Variants in UTRN observed in about 807,000 individuals in gnomAD.
The protein encoded by UTRN is utrophin.
UTRN carries 283 observed loss-of-function variants against 463.9 expected under a neutral mutation model. That is an observed-to-expected ratio of 0.61 (90% CI 0.55 to 0.67). The LOEUF is 0.67. Among genes scored for constraint, UTRN ranks in the 30% least tolerant of loss-of-function variants. The pLI, the probability that UTRN is intolerant of heterozygous loss-of-function variation, is 0.00. For missense variants in UTRN, 3,922 were observed against 4,084.3 expected (o/e 0.96, Z 1.08); for synonymous variants, 1,442 against 1,431.5 (o/e 1.01, Z -0.17).
In UTRN at chr6:144,479,811, G is replaced by C; in HGVS notation, c.3337-1G>C. ...TTGGGGGAATGGCTTTTCCTTTGTAGATCGCTACTCAAAAAAGTAGGTTGT... is the reference window on the plus strand; with the variant it reads ...TTGGGGGAATGGCTTTTCCTTTGTACATCGCTACTCAAAAAAGTAGGTTGT... On this transcript the variant is annotated splice_acceptor_variant, in intron 25 of 74. Transcript: ENST00000367545. LOFTEE classifies it high-confidence loss of function. 1 of 1,611,824 alleles carries C rather than the reference G, an allele frequency of 6.2e-7. No homozygotes were observed. The highest frequency in any genetic ancestry group is 2.2e-5 in the East Asian group (1 of 44,824).
At position 144,421,874 on chromosome 6, in the gene UTRN, A is replaced by C. The variant is rs750928206; in HGVS notation, c.142-4A>C. On this transcript the variant is annotated splice_region_variant and splice_polypyrimidine_tract_variant and intron_variant, in intron 3 of 74. Transcript: ENST00000367545. The stretch of plus-strand genomic sequence containing the variant: ...CATATTTTATTTGTGTTTTTCTTTT[A>C]CAGAGTGGGAAACCACCCATCAATG... 2 of 1,608,530 alleles carry C rather than the reference A, an allele frequency of 1.2e-6. No individual in the cohort carries two copies. Among genetic ancestry groups the C allele is most frequent in the African/African-American group, 2.7e-5 (2 of 74,632 alleles).
chr6:144,291,289 T>C (rs952811016), intron 1 of UTRN, among the ~76,000 whole-genome samples: 29 of 152,234 alleles, frequency 1.9e-4, no homozygotes, highest in African/African-American at 7.0e-4. Flanking sequence ...GCTCCATTCT[T>C]TGACTGCTCC....
At position 144,473,717 on chromosome 6, in the gene UTRN, T is replaced by C. The variant is rs2128569240; in HGVS notation, c.3067-3T>C. The C allele has an allele frequency of 6.2e-7, 1 of 1,613,464 alleles. No individual in the cohort carries two copies. Among genetic ancestry groups the C allele is most frequent in the East Asian group, 2.2e-5 (1 of 44,862 alleles). ...ATCCCCCTCTGTTATCATGTTCGAT[T>C]AGGCCGATTCAACAGTCATTGAGAA... On this transcript the variant is annotated splice_polypyrimidine_tract_variant and splice_region_variant and intron_variant, in intron 23 of 74. Coordinates refer to ENST00000367545, the MANE Select transcript of UTRN (RefSeq NM_007124.3).
intron 52 of UTRN, among the ~76,000 whole-genome samples, chr6:144,695,545 G>A (rs551663385): frequency 6.6e-5 from 10 of 152,116 alleles, no homozygotes; most frequent in Admixed American, 3.3e-4. Flanking sequence ...GGGTTTCACC[G>A]TGTTGGCCAG....
intron 35 of UTRN, among the ~76,000 whole-genome samples, chr6:144,512,492 GTTTAT>G (rs1040491084): frequency 2.4e-4 from 36 of 150,098 alleles, no homozygotes; most frequent in African/African-American, 7.6e-4. Flanking sequence ...TTTTAAAAAT[GTTTAT>G]TTTAAGTTCA....
chr6:144,541,150 T>C (rs1585187369), intron 45 of UTRN, among the ~76,000 whole-genome samples: 1 of 152,216 alleles, frequency 6.6e-6, no homozygotes, highest in South Asian at 2.1e-4. Flanking sequence ...GTGACTTATC[T>C]GAGCAAAGTC....
At chr6:144,373,708 G>A (rs988838203) in intron 2 of UTRN, among the ~76,000 whole-genome samples, 1 of 152,192 alleles carries the variant, frequency 6.6e-6, no homozygotes, top group Non-Finnish European at 1.5e-5. Flanking sequence ...TAGGATAATA[G>A]CTGGGAGGTG....
At chr6:144,346,932 T>TA (rs1777636095) in intron 2 of UTRN, among the ~76,000 whole-genome samples, 12 of 151,698 alleles carry the variant, frequency 7.9e-5, no homozygotes, top group Admixed American at 5.9e-4. Context: ...GATCTCTATC[T>TA]TTATCCAGCT....
In UTRN at chr6:144,400,773, C is replaced by T. The variant is rs549562232; in HGVS notation, c.80-2350C>T. Among the ~76,000 whole-genome samples the T allele has an allele frequency of 6.7e-4, 102 of 152,228 alleles. 1 individual carries two copies. The highest frequency in any genetic ancestry group is 2.3e-3 in the African/African-American group (94 of 41,560). Reference sequence around the variant, plus strand: ...AACATTTGGATGTTAGAAAATGTATCGTTTACAGGCAAATAATTTGTCTGT... The same window carrying T: ...AACATTTGGATGTTAGAAAATGTATTGTTTACAGGCAAATAATTTGTCTGT... On this transcript the variant is annotated intron_variant, in intron 2 of 74. Coordinates refer to ENST00000367545, the MANE Select transcript of UTRN (RefSeq NM_007124.3).
In UTRN at chr6:144,437,822, G is replaced by C. The variant is rs145342359; in HGVS notation, c.1241+76G>C. ...GTTGAGCTCTAGTAGATGTCTGCAT[G>C]TCTGTGAAAGCGAGATGATTACAGA... On this transcript the variant is annotated intron_variant, in intron 11 of 74. Transcript: ENST00000367545. The C allele has an allele frequency of 2.4e-4, 339 of 1,419,296 alleles. No individual in the cohort carries two copies. The East Asian group carries it at 8.0e-3, about 34-fold the overall frequency. The allele number at this position is 1,419,296 out of a possible 1,614,324, so 87.9% of individuals were successfully genotyped here. A position where few individuals can be genotyped will look rare whatever the true frequency, so the allele number is the denominator to read the frequency against.
intron 35 of UTRN, among the ~76,000 whole-genome samples, chr6:144,511,979 A>G (rs1157737816): frequency 6.6e-6 from 1 of 152,138 alleles, no homozygotes; most frequent in Non-Finnish European, 1.5e-5. Context: ...ATACATTATC[A>G]TGTGTTTGAA....
intron 62 of UTRN, among the ~76,000 whole-genome samples, chr6:144,792,592 T>C (rs377716437): frequency 8.5e-4 from 130 of 152,268 alleles, no homozygotes; most frequent in African/African-American, 2.9e-3. Flanking sequence ...TGATCTGATA[T>C]CAGGTACTGT....
chr6:144,413,688 C>T (rs1784114483), intron 3 of UTRN, among the ~76,000 whole-genome samples: 1 of 152,138 alleles, frequency 6.6e-6, no homozygotes, highest in African/African-American at 2.4e-5. Flanking sequence ...ACCTACTGTG[C>T]TTTCAGTTGT....
intron 51 of UTRN, among the ~76,000 whole-genome samples, chr6:144,616,006 T>G (rs1028524593): frequency 1.3e-5 from 2 of 152,136 alleles, no homozygotes; most frequent in African/African-American, 4.8e-5. Flanking sequence ...TCTTTTCTCT[T>G]CCTTGTACAT....
Position 144,482,232 on chromosome 6 carries a change from G to T in UTRN, c.3531G>T (p.Gln1177His). ...EMKRAKEDVL[Q>H]KEVRVKILKD... Reference sequence around the variant, plus strand: ...AGAGGGCAAAAGAGGATGTGTTGCAGAAGGAGGTGAGAGTGAAGATTCTCA... The same window carrying T: ...AGAGGGCAAAAGAGGATGTGTTGCATAAGGAGGTGAGAGTGAAGATTCTCA... The change falls in exon 27 of 75, where the codon CAG becomes CAT. Residue 1177 changes from glutamine (Q) to histidine (H), a missense_variant. Physicochemically the swap from Gln to His is conservative, Grantham distance 24. This residue lies in a region of UTRN where 2,349 missense variants were observed against 2,303.8 expected (regional missense o/e 1.02). Transcript: ENST00000367545. The T allele has an allele frequency of 2.0e-6, 3 of 1,512,418 alleles. No homozygotes were observed. The highest frequency in any genetic ancestry group is 2.7e-6 in the Non-Finnish European group (3 of 1,126,492). 93.7% of individuals were successfully genotyped at this position (1,512,418 alleles called of 1,614,324 possible). A position where few individuals can be genotyped will look rare whatever the true frequency, so the allele number is the denominator to read the frequency against.
At chr6:144,463,374 A>T (rs1789605924) in intron 23 of UTRN, among the ~76,000 whole-genome samples, 1 of 152,234 alleles carries the variant, frequency 6.6e-6, no homozygotes, top group African/African-American at 2.4e-5. Flanking sequence ...ACACCTGAAA[A>T]TGTTGACAGA....
chr6:144,649,665 C>G (rs546274066), intron 51 of UTRN, among the ~76,000 whole-genome samples: 1 of 151,930 alleles, frequency 6.6e-6, no homozygotes, highest in African/African-American at 2.4e-5. Flanking sequence ...TTAAAGGGAA[C>G]TTCTTTTTTT....
At chr6:144,533,621 G>T (rs1797265908) in intron 43 of UTRN, among the ~76,000 whole-genome samples, 1 of 152,076 alleles carries the variant, frequency 6.6e-6, no homozygotes, top group Non-Finnish European at 1.5e-5. Flanking sequence ...CTTATTTCCT[G>T]ATTGAGCCTA....
intron 52 of UTRN, among the ~76,000 whole-genome samples, chr6:144,689,261 C>T (rs1783073861): frequency 6.6e-6 from 1 of 152,150 alleles, no homozygotes; most frequent in South Asian, 2.1e-4. Flanking sequence ...GGGAGCAGCC[C>T]CAGGTGTGTC....
Sources: gnomAD v4.1 joint callset for allele counts (sites outside exome capture counted in the v4.1 genomes callset) on GRCh38, gnomAD v4.1.1 for gene constraint, gnomAD v4.1.1 regional missense constraint, MANE v1.5 for transcripts, NCBI Gene and HGNC (gene_info 2026-07-23, HGNC 2026-07-21) for gene names.